The following ATL1 variants were observed in gnomAD, a reference collection of about 807,000 sequenced individuals.
The protein encoded by ATL1 is atlastin-1.
In ATL1, 31 loss-of-function variants were observed where a neutral mutation model predicts 75.5. That is an observed-to-expected ratio of 0.41 (90% CI 0.31 to 0.55). The LOEUF is 0.55. Ranked by LOEUF, ATL1 falls within the 20% of genes least tolerant of loss-of-function variation. The pLI is 0.27. For synonymous variants in ATL1, 226 were observed against 233.3 expected, an observed-to-expected ratio of 0.97 and a Z score of 0.28; for missense variants, 405 against 662.6, an observed-to-expected ratio of 0.61 and a Z score of 4.27.
intron 5 of ATL1, among the ~76,000 whole-genome samples, chr14:50,595,012 A>C (rs1206049330): frequency 6.7e-6 from 1 of 150,130 alleles, no homozygotes; most frequent in Non-Finnish European, 1.5e-5. Context: ...AAAAAAAAAA[A>C]CAAAAAAGAA....
At chr14:50,592,444 C>T (rs1241372054) in intron 4 of ATL1, among the ~76,000 whole-genome samples, 1 of 151,460 alleles carries the variant, frequency 6.6e-6, no homozygotes, top group Admixed American at 6.6e-5. Context: ...GAACCAGCAA[C>T]AAGGGCGTCA....
In ATL1 at chr14:50,621,830, T is replaced by A. The variant is rs2039469426; in HGVS notation, c.991-13T>A. 3 of 1,526,736 alleles carry A rather than the reference T, an allele frequency of 2.0e-6. No individual in the cohort carries two copies. Among genetic ancestry groups the A allele is most frequent in the African/African-American group, 2.7e-5 (2 of 73,250 alleles). 94.6% of individuals were successfully genotyped at this position (1,526,736 alleles called of 1,614,324 possible). On this transcript the variant is annotated splice_polypyrimidine_tract_variant and intron_variant, in intron 9 of 13. Transcript: ENST00000358385. ...GGAATTGCTTGAACATGAATCTTTT[T>A]CTTTTTTTTTAGGCTTATATAAAGA...
chr14:50,574,908 AGTGTGT>A (rs35304376), intron 1 of ATL1, among the ~76,000 whole-genome samples: 4,075 of 51,780 alleles, frequency 0.079, 478 homozygotes, highest in Non-Finnish European at 0.093. Flanking sequence ...TTCAATACTG[AGTGTGT>A]GTGTGTGTGT....
At chr14:50,551,479 T>G (rs1171522505) in intron 1 of ATL1, among the ~76,000 whole-genome samples, 2 of 152,130 alleles carry the variant, frequency 1.3e-5, no homozygotes. Context: ...CTACTGAAAC[T>G]ATTTCAAAAG....
intron 6 of ATL1, among the ~76,000 whole-genome samples, chr14:50,610,015 A>G (rs1032721494): frequency 6.7e-6 from 1 of 149,802 alleles, no homozygotes; most frequent in Non-Finnish European, 1.5e-5. Context: ...CCTCTGCCCC[A>G]CTCTGCCCCA....
chr14:50,558,009 G>A (rs1021813333), upstream of ATL1, among the ~76,000 whole-genome samples: 5 of 152,188 alleles, frequency 3.3e-5, no homozygotes, highest in African/African-American at 4.8e-5. Flanking sequence ...GCATTAAAAA[G>A]AATGGTGATG....
chr14:50,627,919 C>A, intron 11 of ATL1, 112 bp from the exon 12 acceptor site: 1 of 980,362 alleles, frequency 1.0e-6, no homozygotes, highest in Non-Finnish European at 1.6e-6. Context: ...TATATGCAGG[C>A]TCCTGATTAT....
intron 1 of ATL1, among the ~76,000 whole-genome samples, chr14:50,578,597 C>T (rs1190331605): frequency 6.6e-6 from 1 of 152,184 alleles, no homozygotes; most frequent in Non-Finnish European, 1.5e-5. Context: ...CTCTCCCACA[C>T]ACTTTTTTTT....
intron 6 of ATL1, among the ~76,000 whole-genome samples, chr14:50,610,870 A>C (rs1158102599): frequency 6.6e-6 from 1 of 152,094 alleles, no homozygotes; most frequent in Non-Finnish European, 1.5e-5. Context: ...TTTTCCGTCT[A>C]GTTCCCCTTC....
At chr14:50,571,153 G>A (rs1489669668) in intron 1 of ATL1, among the ~76,000 whole-genome samples, 1 of 152,138 alleles carries the variant, frequency 6.6e-6, no homozygotes, top group Non-Finnish European at 1.5e-5. Context: ...GGTGGGGTGT[G>A]CAACAAGGAC....
chr14:50,621,745 AT>A, intron 9 of ATL1, 97 bp from the exon 10 acceptor site: 1 of 770,100 alleles, frequency 1.3e-6, no homozygotes, highest in Non-Finnish European at 2.2e-6. Flanking sequence ...TCCTGAAAAT[AT>A]TTTTTGAAAT....
chr14:50,622,017 T>C (rs2039471674), intron 10 of ATL1, 118 bp downstream of exon 10: 2 of 776,294 alleles, frequency 2.6e-6, no homozygotes, highest in South Asian at 1.5e-5. Context: ...ATTATTTGCC[T>C]AATAACTTTA....
intron 1 of ATL1, among the ~76,000 whole-genome samples, chr14:50,564,434 G>A (rs1033470876): frequency 1.3e-5 from 2 of 151,924 alleles, no homozygotes; most frequent in Non-Finnish European, 1.5e-5. Flanking sequence ...CAGATCAGGA[G>A]GTCAGGAGAT....
chr14:50,540,133 T>A (rs1209825590), intron 1 of ATL1, among the ~76,000 whole-genome samples: 1 of 152,180 alleles, frequency 6.6e-6, no homozygotes, highest in African/African-American at 2.4e-5. Flanking sequence ...CTGGTAGAGG[T>A]CAGGTGGCTC....
intron 6 of ATL1, among the ~76,000 whole-genome samples, chr14:50,608,479 G>GT (rs5808561): frequency 0.5 from 75,387 of 151,766 alleles, 19,745 homozygotes; most frequent in East Asian, 0.75. Flanking sequence ...CAAGGCTTTT[G>GT]TTTTTTTGTC....
intron 1 of ATL1, among the ~76,000 whole-genome samples, chr14:50,577,432 T>G (rs2039016619): frequency 6.6e-6 from 1 of 152,216 alleles, no homozygotes; most frequent in African/African-American, 2.4e-5. Context: ...AGTCTAGTTT[T>G]TCGGTTTTGT....
intron 8 of ATL1, 81 bp from the exon 9 acceptor site, chr14:50,620,518 A>T: frequency 6.9e-7 from 1 of 1,445,052 alleles, no homozygotes; most frequent in Non-Finnish European, 9.6e-7. Flanking sequence ...GAAATGGGGG[A>T]GATCAAAGGA....
intron 6 of ATL1, among the ~76,000 whole-genome samples, chr14:50,600,976 G>C (rs2039266458): frequency 6.6e-6 from 1 of 151,986 alleles, no homozygotes; most frequent in Non-Finnish European, 1.5e-5. Flanking sequence ...AAGAACTACA[G>C]CGCCTGTAGT....
At chr14:50,599,703 A>G (rs28392565) in intron 6 of ATL1, among the ~76,000 whole-genome samples, 2,323 of 152,320 alleles carry the variant, frequency 0.015, 48 homozygotes, top group African/African-American at 0.053. Flanking sequence ...AGAAGTAAGC[A>G]GAAAAAAGTG....
Sources: gnomAD v4.1 joint callset for allele counts (sites outside exome capture counted in the v4.1 genomes callset) on GRCh38, gnomAD v4.1.1 for gene constraint, MANE v1.5 for transcripts, NCBI Gene and HGNC (gene_info 2026-07-23, HGNC 2026-07-21) for gene names.